The following BAIAP2 variants were observed in gnomAD, a reference collection of about 807,000 sequenced individuals.
BAIAP2 encodes the protein BAR/IMD domain containing adaptor protein 2.
A neutral mutation model predicts 63.0 loss-of-function variants in BAIAP2; 18 were observed. The ratio of observed to expected loss-of-function variants is 0.29; its 90% CI spans 0.20 to 0.42. BAIAP2 has a LOEUF of 0.42. BAIAP2 is among the 10% of genes least tolerant of loss of function. The pLI, the probability that BAIAP2 is intolerant of heterozygous loss-of-function variation, is 1.00. For synonymous variants in BAIAP2, 386 were observed against 307.6 expected (o/e 1.25, Z -2.67); for missense variants, 610 against 734.3 (o/e 0.83, Z 1.96).
intron 3 of BAIAP2, among the ~76,000 whole-genome samples, chr17:81,078,179 A>G (rs11150769): frequency 0.44 from 48,707 of 110,212 alleles, 10,252 homozygotes; most frequent in Non-Finnish European, 0.49. Context: ...CGGGTGCCGT[A>G]TTGGGTGGGA....
At chr17:81,050,542 C>CTG (rs2143986197) in intron 1 of BAIAP2, among the ~76,000 whole-genome samples, 1 of 152,310 alleles carries the variant, frequency 6.6e-6, no homozygotes, top group East Asian at 1.9e-4. Flanking sequence ...GCTCACAGGG[C>CTG]TCAGGTTGAG....
At chr17:81,041,223 C>CA (rs2047027666) in intron 1 of BAIAP2, among the ~76,000 whole-genome samples, 1 of 152,224 alleles carries the variant, frequency 6.6e-6, no homozygotes, top group African/African-American at 2.4e-5. Flanking sequence ...GTCCCCTGGC[C>CA]ATATGACCTT....
intron 1 of BAIAP2, among the ~76,000 whole-genome samples, chr17:81,037,764 G>A (rs543894041): frequency 6.6e-6 from 1 of 152,256 alleles, no homozygotes; most frequent in Non-Finnish European, 1.5e-5. Context: ...CAGCTGTTTG[G>A]TTTGGTTTGG....
rs1173879510 is a variant in BAIAP2 at position 81,116,353 on chromosome 17, G to C, written c.*514G>C. ...CCTGCAGGTCCGGCAGCTACACCTGGAGTGTGGGGCCTGGTCCCTCCCCAT... is the reference window on the plus strand; with the variant it reads ...CCTGCAGGTCCGGCAGCTACACCTGCAGTGTGGGGCCTGGTCCCTCCCCAT... On this transcript the variant is annotated 3_prime_UTR_variant, in exon 14 of 14. Coordinates refer to ENST00000428708, the MANE Select transcript of BAIAP2 (RefSeq NM_001144888.2). The C allele has an allele frequency of 6.2e-7, 1 of 1,608,060 alleles. No individual in the cohort carries two copies. The highest frequency in any genetic ancestry group is 8.5e-7 in the Non-Finnish European group (1 of 1,177,426).
Position 81,044,467 on chromosome 17 carries a change from C to T in BAIAP2, c.54+9159C>T, listed in dbSNP as rs565658385. ...GCCCTCTTTCTTGTAAGGCGCTGGT[C>T]CTATGGGATTAGGGCCCGCCCTAGT... On this transcript the variant is annotated intron_variant, in intron 1 of 13. Transcript: ENST00000428708. Among the ~76,000 whole-genome samples, 6 of 152,328 alleles carry T rather than the reference C, an allele frequency of 3.9e-5. No individual in the cohort carries two copies. The South Asian group carries it at 1.0e-3, about 26-fold the overall frequency.
At position 81,098,246 on chromosome 17, in the gene BAIAP2, T is replaced by G. The variant is rs2057971807; in HGVS notation, c.490-1682T>G. On this transcript the variant is annotated intron_variant, in intron 6 of 13. Coordinates refer to ENST00000428708, the MANE Select transcript of BAIAP2 (RefSeq NM_001144888.2). ...CCATGGGCAGGCTGGGAGGCGCCTC[T>G]GCCCAGGATGGGAGCACAGTCCGGG... is the stretch of plus-strand genomic sequence containing the variant. 13 of 1,255,906 alleles carry G rather than the reference T, an allele frequency of 1.0e-5. No homozygotes were observed. The South Asian group carries it at 2.6e-4, about 25-fold the overall frequency. 77.8% of individuals were successfully genotyped at this position (1,255,906 alleles called of 1,614,324 possible).
At chr17:81,066,216 C>T (rs1181909894) in intron 3 of BAIAP2, among the ~76,000 whole-genome samples, 2 of 152,198 alleles carry the variant, frequency 1.3e-5, no homozygotes, top group Non-Finnish European at 2.9e-5. Context: ...GATCACAGGG[C>T]GTGTGTGTAC....
At chr17:81,109,402 A>C in intron 13 of BAIAP2, 1 of 1,023,642 alleles carries the variant, frequency 9.8e-7, no homozygotes, top group Non-Finnish European at 1.2e-6. Flanking sequence ...AAAAGAAAAA[A>C]AGAAAAACAG....
At chr17:81,070,560 T>C (rs1384221338) in intron 3 of BAIAP2, among the ~76,000 whole-genome samples, 1 of 152,166 alleles carries the variant, frequency 6.6e-6, no homozygotes, top group Non-Finnish European at 1.5e-5. Context: ...GAGGGGTTCC[T>C]AGTGGACGCG....
intron 3 of BAIAP2, among the ~76,000 whole-genome samples, chr17:81,059,949 CA>C (rs1297291507): frequency 6.6e-6 from 1 of 152,130 alleles, no homozygotes; most frequent in Non-Finnish European, 1.5e-5. Context: ...TGGTTGACTG[CA>C]AGAAGGCGCT....
At chr17:81,115,469 TGCCCC>T (rs1328934056) in intron 13 of BAIAP2, among the ~76,000 whole-genome samples, 1 of 150,986 alleles carries the variant, frequency 6.6e-6, no homozygotes, top group Admixed American at 6.6e-5. Context: ...GTGGCTGGCC[TGCCCC>T]GCCCCACCCC....
intron 4 of BAIAP2, 83 bp from the exon 5 acceptor site, chr17:81,085,571 C>T (rs751206870): frequency 1.5e-5 from 18 of 1,182,822 alleles, no homozygotes; most frequent in Non-Finnish European, 2.1e-5. Flanking sequence ...GTCTCGTGCC[C>T]ATCCGCTCTA....
At chr17:81,097,219 G>T (rs1375473748) in intron 6 of BAIAP2, among the ~76,000 whole-genome samples, 1 of 152,242 alleles carries the variant, frequency 6.6e-6, no homozygotes, top group African/African-American at 2.4e-5. Context: ...GTTTTGAGGG[G>T]CAGGTGGGGT....
intron 13 of BAIAP2, among the ~76,000 whole-genome samples, chr17:81,111,493 G>T (rs148049893): frequency 6.6e-6 from 1 of 152,334 alleles, no homozygotes; most frequent in Non-Finnish European, 1.5e-5. Flanking sequence ...GTCTGACCTT[G>T]CCTCTTCTGT....
chr17:81,036,807 G>C, intron 1 of BAIAP2: 3 of 1,403,236 alleles, frequency 2.1e-6, no homozygotes, highest in Non-Finnish European at 1.9e-6. Flanking sequence ...GTCAAGGGAG[G>C]GAGGTTTATT....
chr17:81,080,344 G>A (rs2054388422), intron 3 of BAIAP2, among the ~76,000 whole-genome samples: 1 of 152,238 alleles, frequency 6.6e-6, no homozygotes, highest in Admixed American at 6.5e-5. Flanking sequence ...AAAATTCAAG[G>A]CATGGGATGA....
At chr17:81,105,991 T>C (rs1359988192) in intron 10 of BAIAP2, 87 bp from the exon 11 acceptor site, 44 of 1,196,036 alleles carry the variant, frequency 3.7e-5, no homozygotes, top group Non-Finnish European at 5.2e-5. Context: ...GCTGGGGAGC[T>C]AGAGGGACTT....
chr17:81,115,939 GGCCCCGGCTGCCTGGTCTT>G lies in BAIAP2; in HGVS notation c.*106_*124del, dbSNP rs1168775216. The stretch of plus-strand genomic sequence containing the variant: ...TGCGTTCCTGTGTAGAGAACATCCA[GGCCCCGGCTGCCTGGTCTT>G]GCCCCACTTGAGTCTGGCCTGGACT... On this transcript the variant is annotated 3_prime_UTR_variant, in exon 14 of 14. Coordinates refer to ENST00000428708, the MANE Select transcript of BAIAP2 (RefSeq NM_001144888.2). 1.9e-6 allele frequency: 3 copies of G among 1,551,010 alleles called. No homozygotes were observed. The East Asian group carries it at 7.0e-5, about 36-fold the overall frequency.
At chr17:81,080,182 T>C (rs562221017) in intron 3 of BAIAP2, among the ~76,000 whole-genome samples, 1 of 152,346 alleles carries the variant, frequency 6.6e-6, no homozygotes, top group East Asian at 1.9e-4. Context: ...TCCTTCCAGC[T>C]GGCACCTCGG....
Sources: gnomAD v4.1 joint callset for allele counts (sites outside exome capture counted in the v4.1 genomes callset) on GRCh38, gnomAD v4.1.1 for gene constraint, MANE v1.5 for transcripts, NCBI Gene and HGNC (gene_info 2026-07-23, HGNC 2026-07-21) for gene names.